The following CYP2J2 variants were observed in gnomAD, a reference collection of about 807,000 sequenced individuals.
CYP2J2 encodes the protein cytochrome P450 2J2.
Under a neutral mutation model 48.8 loss-of-function variants are expected in CYP2J2, and 41 were observed. The ratio of observed to expected loss-of-function variants is 0.84; its 90% confidence interval spans 0.66 to 1.09. The LOEUF (loss-of-function observed/expected upper bound fraction) is 1.09, where lower values mean the gene tolerates loss of function less well. Ranked by LOEUF, CYP2J2 falls within the 50% of genes least tolerant of loss-of-function variation. The pLI, the probability that CYP2J2 is intolerant of heterozygous loss-of-function variation, is 0.00. For missense variants in CYP2J2, 644 were observed against 617.3 expected, an observed-to-expected ratio of 1.04 and a Z score of -0.46; for synonymous variants, 221 against 227.1, an observed-to-expected ratio of 0.97 and a Z score of 0.24.
chr1:59,901,425 G>C (rs1644319148), intron 7 of CYP2J2, among the ~76,000 whole-genome samples: 1 of 152,186 alleles, frequency 6.6e-6, no homozygotes, highest in Admixed American at 6.5e-5. Flanking sequence ...GCACTGATGA[G>C]AGAATAATCC....
At chr1:59,916,635 AG>A (rs1644468723) in intron 1 of CYP2J2, among the ~76,000 whole-genome samples, 1 of 152,114 alleles carries the variant, frequency 6.6e-6, no homozygotes, top group South Asian at 2.1e-4. Flanking sequence ...CAGGAGGCTG[AG>A]GTGGGAAGGT....
At position 59,909,764 on chromosome 1, in the gene CYP2J2, A is replaced by C. The variant is rs367705591; in HGVS notation, c.861+20T>G. On this transcript the variant is annotated intron_variant, in intron 5 of 8. Coordinates refer to ENST00000371204, the MANE Select transcript of CYP2J2 (RefSeq NM_000775.4). The stretch of plus-strand genomic sequence containing the variant: ...TTTGTGCTCTAAGAACAAAATACAA[A>C]ATGACTTTGGTTTTCTCACCTTTGA... 6.9e-5 allele frequency: 107 copies of C among 1,555,886 alleles called. No homozygotes were observed. The African/African-American group carries it at 1.4e-3, about 21-fold the overall frequency.
chr1:59,905,018 C>T lies in CYP2J2; in HGVS notation c.1044G>A (p.Gly348=), dbSNP rs1166038940. The T allele has an allele frequency of 3.7e-6, 6 of 1,613,854 alleles. No individual in the cohort carries two copies. The highest frequency in any genetic ancestry group is 3.4e-6 in the Non-Finnish European group (4 of 1,179,924). ...CCCGGGCGGCTGTGCTCGGCTGCTG[C>T]CCCTGGCCAATCACTCTGTCAATCT... is the stretch of plus-strand genomic sequence containing the variant. ...QAEIDRVIGQ[G]QQPSTAARES... Residue 348 remains glycine (G), a synonymous_variant, in exon 7 of 9, where the codon GGG becomes GGA. Transcript: ENST00000371204.
the CYP2J2 span, among the ~76,000 whole-genome samples, chr1:59,940,855 GTTA>G: frequency 6.6e-6 from 1 of 152,182 alleles, no homozygotes; most frequent in Admixed American, 6.5e-5. Context: ...GGAACTGGAA[GTTA>G]TTATATTAAG....
the CYP2J2 span, among the ~76,000 whole-genome samples, chr1:59,968,397 C>CA: frequency 2.0e-5 from 3 of 152,124 alleles, no homozygotes; most frequent in African/African-American, 7.2e-5. Context: ...CTCTTGGTCC[C>CA]AATCTTCCCA....
chr1:59,898,126 C>G (rs1035786797), intron 8 of CYP2J2, among the ~76,000 whole-genome samples: 8 of 152,210 alleles, frequency 5.3e-5, no homozygotes, highest in Non-Finnish European at 7.4e-5. Flanking sequence ...TTTCCCCTCT[C>G]CTTGGATCCA....
rs1465710903 is a variant in CYP2J2, at chr1:59,904,939, T to C, written c.1123A>G (p.Ile375Val). The C allele has an allele frequency of 6.2e-7, 1 of 1,613,750 alleles. No homozygotes were observed. The highest frequency in any genetic ancestry group is 2.2e-5 in the East Asian group (1 of 44,868). Residue 375 changes from isoleucine to valine, a missense_variant, in exon 7 of 9, where the codon ATC becomes GTC. By Grantham distance (29) the Ile-to-Val change is conservative. Coordinates refer to ENST00000371204, the MANE Select transcript of CYP2J2 (RefSeq NM_000775.4). ...VIHEVQRMGN[I>V]IPLNVPREVT... ...TCCCTGGGAACGTTCAGGGGGATGA[T>C]GTTGCCCATTCTCTGCACCTCATGG...
chr1:59,955,926 G>A, the CYP2J2 span, among the ~76,000 whole-genome samples: 1 of 152,094 alleles, frequency 6.6e-6, no homozygotes, highest in Non-Finnish European at 1.5e-5. Flanking sequence ...GTGTGCATGT[G>A]TGTTTATTTT....
At chr1:59,920,444 A>G (rs1222323942) in intron 1 of CYP2J2, among the ~76,000 whole-genome samples, 1 of 152,076 alleles carries the variant, frequency 6.6e-6, no homozygotes, top group African/African-American at 2.4e-5. Context: ...AATGGAGCAT[A>G]TAGATAAATA....
At chr1:59,959,471 G>T in the CYP2J2 span, among the ~76,000 whole-genome samples, 2 of 151,964 alleles carry the variant, frequency 1.3e-5, no homozygotes. Context: ...CATGCTTATA[G>T]CAGCACAATT....
At chr1:59,958,236 T>C in the CYP2J2 span, among the ~76,000 whole-genome samples, 23 of 152,170 alleles carry the variant, frequency 1.5e-4, no homozygotes, top group African/African-American at 5.5e-4. Context: ...CAGACCTGTA[T>C]CCCTATACAT....
At chr1:59,934,584 G>A in the CYP2J2 span, among the ~76,000 whole-genome samples, 7 of 151,962 alleles carry the variant, frequency 4.6e-5, no homozygotes, top group African/African-American at 1.7e-4. Context: ...CATACAAGTG[G>A]GTGAACAGGT....
intron 1 of CYP2J2, among the ~76,000 whole-genome samples, chr1:59,925,129 CAG>C (rs1468538950): frequency 1.3e-5 from 2 of 152,100 alleles, no homozygotes; most frequent in East Asian, 3.8e-4. Flanking sequence ...TGCAAAACAA[CAG>C]AGTTTCTAAA....
chr1:59,965,143 G>A, the CYP2J2 span, among the ~76,000 whole-genome samples: 1 of 152,210 alleles, frequency 6.6e-6, no homozygotes, highest in African/African-American at 2.4e-5. Context: ...AAAGGGTGAA[G>A]CAAGTTTAAC....
the CYP2J2 span, among the ~76,000 whole-genome samples, chr1:59,966,950 T>C: frequency 6.6e-6 from 1 of 151,384 alleles, no homozygotes; most frequent in Non-Finnish European, 1.5e-5. Flanking sequence ...GCACAAGTTC[T>C]TTAGATTAAG....
intron 1 of CYP2J2, among the ~76,000 whole-genome samples, chr1:59,917,817 G>T (rs1172452086): frequency 6.6e-6 from 1 of 152,172 alleles, no homozygotes; most frequent in Admixed American, 6.5e-5. Context: ...CTAGCTGCAG[G>T]CAGTGGTAAC....
At chr1:59,897,283 G>A (rs996508500) in intron 8 of CYP2J2, among the ~76,000 whole-genome samples, 14 of 152,180 alleles carry the variant, frequency 9.2e-5, no homozygotes, top group African/African-American at 3.4e-4. Context: ...GACCTAGCAA[G>A]TCAGGAACCA....
In CYP2J2 at chr1:59,911,873, T is replaced by A. The variant is rs1644419184; in HGVS notation, c.524-105A>T. 6 of 1,156,558 alleles carry A rather than the reference T, an allele frequency of 5.2e-6. 1 individual carries two copies. The South Asian group carries it at 9.2e-5, about 18-fold the overall frequency. 71.6% of individuals were successfully genotyped at this position (1,156,558 alleles called of 1,614,324 possible). On this transcript the variant is annotated intron_variant, in intron 3 of 8. Transcript: ENST00000371204. ...ATAAGACATACCTAGTGCAGAACCA[T>A]ATATGAGGAGCTGGCCACATGACCT...
chr1:59,936,002 A>C, the CYP2J2 span, among the ~76,000 whole-genome samples: 55 of 152,286 alleles, frequency 3.6e-4, 1 homozygote, highest in African/African-American at 1.2e-3. Context: ...TCCTGACCTC[A>C]GGTGATCCAC....
Sources: allele counts gnomAD v4.1 joint callset (sites outside exome capture counted in the v4.1 genomes callset), GRCh38; gene constraint gnomAD v4.1.1; transcripts MANE v1.5; gene names NCBI Gene and HGNC (gene_info 2026-07-23, HGNC 2026-07-21).